TRIM37: variants seen among roughly 807,000 people sequenced by gnomAD.
TRIM37 encodes the protein tripartite motif containing 37.
In TRIM37, 80 loss-of-function variants were observed where a neutral mutation model predicts 129.8. The ratio of observed to expected loss-of-function variants is 0.62; its 90% CI spans 0.51 to 0.74. TRIM37 has a LOEUF of 0.74. Among genes scored for constraint, TRIM37 ranks in the 30% least tolerant of loss-of-function variants. The probability of loss-of-function intolerance (pLI) is 0.00; values close to 1 mark genes in which losing one functional copy is unlikely to be tolerated. For missense variants in TRIM37, 1,054 were observed against 1,176.5 expected (o/e 0.90, Z 1.52); for synonymous variants, 389 against 387.1 (o/e 1.00, Z -0.06).
At chr17:59,046,617 A>T (rs2039834905) in intron 16 of TRIM37, among the ~76,000 whole-genome samples, 1 of 151,004 alleles carries the variant, frequency 6.6e-6, no homozygotes, top group Admixed American at 6.6e-5. Context: ...GCTCACTGCA[A>T]GCTCCGCCTC....
the TRIM37 span, among the ~76,000 whole-genome samples, chr17:58,970,249 G>A: frequency 6.6e-6 from 1 of 152,162 alleles, no homozygotes; most frequent in Non-Finnish European, 1.5e-5. Context: ...TTAATAGGGA[G>A]AAAAGAAGAG....
chr17:59,049,627 G>T (rs2040155703), intron 14 of TRIM37, among the ~76,000 whole-genome samples: 1 of 152,134 alleles, frequency 6.6e-6, no homozygotes, highest in East Asian at 1.9e-4. Context: ...TCAAGTGGCT[G>T]GGACTGGAGG....
At chr17:59,106,340 G>T in intron 1 of TRIM37, 101 bp downstream of exon 1, 3 of 1,418,546 alleles carry the variant, frequency 2.1e-6, no homozygotes, top group Non-Finnish European at 3.0e-6. Context: ...GGGCGGGGTA[G>T]GGGTGCCCTA....
chr17:58,985,512 A>ACCAAGCTTTC (rs1409918279), intron 24 of TRIM37, among the ~76,000 whole-genome samples: 1 of 152,200 alleles, frequency 6.6e-6, no homozygotes, highest in Admixed American at 6.5e-5. Flanking sequence ...TCTGCATCTA[A>ACCAAGCTTTC]CCAAGCTTTC....
chr17:58,985,733 C>G (rs962207594), intron 24 of TRIM37, among the ~76,000 whole-genome samples: 6 of 152,212 alleles, frequency 3.9e-5, no homozygotes, highest in African/African-American at 1.4e-4. Flanking sequence ...TGTCAATACA[C>G]TGCACTGTTC....
At chr17:59,045,416 G>A (rs2039677692) in intron 16 of TRIM37, among the ~76,000 whole-genome samples, 6 of 151,930 alleles carry the variant, frequency 3.9e-5, no homozygotes, top group Admixed American at 6.6e-5. Flanking sequence ...AAGACGGGTG[G>A]ATCACGAGGT....
chr17:59,084,201 AAC>A (rs1337834228), intron 4 of TRIM37, 112 bp from the exon 5 acceptor site: 1 of 824,092 alleles, frequency 1.2e-6, no homozygotes, highest in African/African-American at 1.7e-5. Flanking sequence ...TATCTCAAGA[AAC>A]ACAGTATAAA....
intron 16 of TRIM37, among the ~76,000 whole-genome samples, chr17:59,045,286 G>C (rs1000486499): frequency 6.6e-6 from 1 of 151,618 alleles, no homozygotes; most frequent in Non-Finnish European, 1.5e-5. Flanking sequence ...CGGATATTGC[G>C]CCACTGCACT....
chr17:59,079,921 T>A (rs2043125061), intron 6 of TRIM37, 44 bp from the exon 7 acceptor site: 1 of 1,596,382 alleles, frequency 6.3e-7, no homozygotes, highest in Non-Finnish European at 8.6e-7. Flanking sequence ...GGGTAAATTT[T>A]AAAAACAGAA....
intron 8 of TRIM37, among the ~76,000 whole-genome samples, chr17:59,074,187 C>T (rs1233749770): frequency 6.6e-6 from 1 of 152,192 alleles, no homozygotes; most frequent in Non-Finnish European, 1.5e-5. Context: ...CACTACTAGG[C>T]AACAGAAGTA....
chr17:58,990,333 A>G (rs2144090366), intron 24 of TRIM37, among the ~76,000 whole-genome samples: 1 of 152,018 alleles, frequency 6.6e-6, no homozygotes, highest in African/African-American at 2.4e-5. Flanking sequence ...TCTACTAAAA[A>G]CACAAAAATT....
At position 59,079,774 on chromosome 17, in the gene TRIM37, T is replaced by C. The variant is rs1446411670; in HGVS notation, c.596A>G (p.Asn199Ser). Residue 199 changes from asparagine (N) to serine (S), a missense_variant, in exon 7 of 24, where the codon AAT (asparagine) becomes AGT (serine). This residue lies in a region of TRIM37 where 752 missense variants were observed against 870.8 expected (regional missense o/e 0.86). Transcript: ENST00000262294. ...CTTACCCATCAGTGTTATAAGCTTA[T>C]TCTTCAGCTGTGTGTCTAACCGTGC... ...MIARLDTQLKNKLITLMGQKT... is the reference protein window; with the variant it reads ...MIARLDTQLKSKLITLMGQKT... 1.2e-6 allele frequency: 2 copies of C among 1,613,936 alleles called. No individual in the cohort carries two copies. Among genetic ancestry groups the C allele is most frequent in the Non-Finnish European group, 1.7e-6 (2 of 1,179,950 alleles).
At chr17:59,025,412 GT>G (rs2037131847) in intron 19 of TRIM37, among the ~76,000 whole-genome samples, 2 of 150,886 alleles carry the variant, frequency 1.3e-5, no homozygotes, top group Non-Finnish European at 2.9e-5. Flanking sequence ...TAATATTCAT[GT>G]CATGAATGTT....
chr17:59,008,580 T>C (rs1274591714), intron 22 of TRIM37, among the ~76,000 whole-genome samples: 1 of 152,164 alleles, frequency 6.6e-6, no homozygotes, highest in Non-Finnish European at 1.5e-5. Flanking sequence ...ATAATGTAAA[T>C]TGATAAATTG....
downstream of TRIM37, among the ~76,000 whole-genome samples, chr17:58,978,257 A>G (rs1439196316): frequency 6.6e-6 from 1 of 152,218 alleles, no homozygotes; most frequent in East Asian, 1.9e-4. Flanking sequence ...GTCCTTAACC[A>G]CTAAGCAATA....
chr17:59,075,624 C>T, intron 8 of TRIM37, 23 bp downstream of exon 8: 1 of 1,366,438 alleles, frequency 7.3e-7, no homozygotes, highest in South Asian at 1.2e-5. Flanking sequence ...AAGACTATTT[C>T]ATTACATTTA....
At chr17:59,023,941 T>TGGTG (rs1358362210) in intron 19 of TRIM37, among the ~76,000 whole-genome samples, 1 of 151,940 alleles carries the variant, frequency 6.6e-6, no homozygotes, top group Non-Finnish European at 1.5e-5. Flanking sequence ...AGGCCAGGTG[T>TGGTG]GGTGGCTCAC....
chr17:58,981,263 C>A (rs1024312067), downstream of TRIM37: 3 of 463,972 alleles, frequency 6.5e-6, no homozygotes, highest in Admixed American at 3.9e-5. Context: ...TGATGTGTCT[C>A]GACACCAATA....
chr17:59,012,721 A>T (rs1461786396), intron 21 of TRIM37, among the ~76,000 whole-genome samples: 2 of 151,984 alleles, frequency 1.3e-5, no homozygotes, highest in Non-Finnish European at 2.9e-5. Context: ...CACTAAAAAT[A>T]CAAAAATTAG....
Sources: allele counts gnomAD v4.1 joint callset (sites outside exome capture counted in the v4.1 genomes callset), GRCh38; gene constraint gnomAD v4.1.1; regional missense constraint gnomAD v4.1.1; transcripts MANE v1.5; gene names NCBI Gene and HGNC (gene_info 2026-07-23, HGNC 2026-07-21).